The following VPS41 variants were observed in gnomAD, a reference collection of about 807,000 sequenced individuals.
VPS41 encodes the protein VPS41 subunit of HOPS complex, also known as vacuolar protein sorting-associated protein 41 homolog.
VPS41 carries 85 observed loss-of-function variants against 130.9 expected under a neutral mutation model. That is an observed-to-expected ratio of 0.65 (90% confidence interval 0.55 to 0.78). The LOEUF (loss-of-function observed/expected upper bound fraction) is 0.78, where lower values mean the gene tolerates loss of function less well. Ranked by LOEUF, VPS41 falls within the 30% of genes least tolerant of loss-of-function variation. The probability of loss-of-function intolerance (pLI) is 0.00; values close to 1 mark genes in which losing one functional copy is unlikely to be tolerated. For synonymous variants in VPS41, 335 were observed against 332.9 expected, an observed-to-expected ratio of 1.01 and a Z score of -0.07; for missense variants, 874 against 1,018.7, an observed-to-expected ratio of 0.86 and a Z score of 1.93.
intron 4 of VPS41, among the ~76,000 whole-genome samples, chr7:38,836,487 A>G (rs1057130750): frequency 6.6e-6 from 1 of 152,148 alleles, no homozygotes; most frequent in South Asian, 2.1e-4. Context: ...TGAATCCAGG[A>G]GCAGAAACTA....
intron 25 of VPS41, among the ~76,000 whole-genome samples, chr7:38,734,648 A>G (rs890251387): frequency 6.6e-6 from 1 of 152,242 alleles, no homozygotes. Flanking sequence ...AAAGAACTGT[A>G]TATCAGCAAA....
At chr7:38,813,836 T>A (rs1287745463) in intron 7 of VPS41, among the ~76,000 whole-genome samples, 3 of 152,168 alleles carry the variant, frequency 2.0e-5, no homozygotes, top group Non-Finnish European at 4.4e-5. Context: ...TTTTTCTGTA[T>A]GCTTGGAACG....
At chr7:38,891,875 T>C (rs1170342563) in intron 2 of VPS41, among the ~76,000 whole-genome samples, 2 of 152,156 alleles carry the variant, frequency 1.3e-5, no homozygotes, top group African/African-American at 4.8e-5. Flanking sequence ...AATGCTCTTA[T>C]AGCTAAATTT....
At chr7:38,753,991 C>T (rs571319044) in intron 21 of VPS41, among the ~76,000 whole-genome samples, 1 of 152,182 alleles carries the variant, frequency 6.6e-6, no homozygotes, top group Non-Finnish European at 1.5e-5. Context: ...TGATATAATC[C>T]CTAAGTGTGC....
chr7:38,821,043 CT>C (rs1785161425), intron 6 of VPS41, among the ~76,000 whole-genome samples, 159 bp downstream of exon 6: 1 of 152,096 alleles, frequency 6.6e-6, no homozygotes, highest in South Asian at 2.1e-4. Context: ...CACATTCTGT[CT>C]TCTTTCACAG....
intron 2 of VPS41, among the ~76,000 whole-genome samples, chr7:38,894,045 C>T (rs780238204): frequency 1.3e-5 from 2 of 152,112 alleles, no homozygotes; most frequent in Non-Finnish European, 2.9e-5. Context: ...GTTGAAAACA[C>T]TACACATTAT....
intron 25 of VPS41, among the ~76,000 whole-genome samples, chr7:38,732,684 A>C (rs1795690103): frequency 6.6e-6 from 1 of 152,236 alleles, no homozygotes; most frequent in Non-Finnish European, 1.5e-5. Context: ...AAAAAAAGAT[A>C]GGGCTATAAT....
intron 10 of VPS41, among the ~76,000 whole-genome samples, chr7:38,780,140 A>C (rs1299130772): frequency 6.6e-6 from 1 of 151,890 alleles, no homozygotes; most frequent in Non-Finnish European, 1.5e-5. Flanking sequence ...GAAATACATG[A>C]AAACAGGGAG....
chr7:38,743,898 G>C (rs905068965), intron 23 of VPS41, among the ~76,000 whole-genome samples: 7 of 152,284 alleles, frequency 4.6e-5, no homozygotes, highest in African/African-American at 1.7e-4. Flanking sequence ...CTGTGAATTT[G>C]AAGCCAGGTC....
chr7:38,873,514 G>C (rs1429480411), intron 2 of VPS41, among the ~76,000 whole-genome samples: 2 of 152,028 alleles, frequency 1.3e-5, no homozygotes, highest in African/African-American at 4.8e-5. Context: ...TTAATAAAAA[G>C]CAAATCAATA....
chr7:38,853,147 C>T (rs1479541010), intron 4 of VPS41, among the ~76,000 whole-genome samples: 1 of 152,124 alleles, frequency 6.6e-6, no homozygotes, highest in African/African-American at 2.4e-5. Flanking sequence ...TGGCCGGGTG[C>T]GGTGGCTCAC....
chr7:38,795,973 G>A (rs1784610901), intron 8 of VPS41, among the ~76,000 whole-genome samples: 1 of 152,190 alleles, frequency 6.6e-6, no homozygotes, highest in South Asian at 2.1e-4. Context: ...GAAAGGCTTT[G>A]AGTCTGAAAA....
At chr7:38,897,314 A>C (rs1787025146) in intron 2 of VPS41, among the ~76,000 whole-genome samples, 1 of 151,980 alleles carries the variant, frequency 6.6e-6, no homozygotes, top group African/African-American at 2.4e-5. Context: ...TCTTTATCAC[A>C]ATAACCTAAC....
chr7:38,736,166 G>T (rs1477771195), intron 25 of VPS41, among the ~76,000 whole-genome samples: 1 of 152,164 alleles, frequency 6.6e-6, no homozygotes, highest in South Asian at 2.1e-4. Context: ...AAGAACTTTA[G>T]AAACAAAAGA....
At chr7:38,895,989 C>A (rs528887929) in intron 2 of VPS41, among the ~76,000 whole-genome samples, 1 of 152,178 alleles carries the variant, frequency 6.6e-6, no homozygotes, top group Non-Finnish European at 1.5e-5. Context: ...CCAGCGTCAA[C>A]TCCAGAGCCG....
chr7:38,759,000 T>A (rs1783862263), intron 17 of VPS41, among the ~76,000 whole-genome samples: 2 of 152,352 alleles, frequency 1.3e-5, no homozygotes, highest in South Asian at 4.1e-4. Flanking sequence ...TTCATCTGTA[T>A]CCTTTGCAAT....
chr7:38,765,058 C>T (rs556219035), intron 16 of VPS41, among the ~76,000 whole-genome samples: 2 of 152,160 alleles, frequency 1.3e-5, no homozygotes, highest in South Asian at 4.1e-4. Flanking sequence ...TCCACAAATA[C>T]TGAAAAATTT....
At chr7:38,825,897 G>A (rs772779675) in intron 5 of VPS41, among the ~76,000 whole-genome samples, 1 of 152,216 alleles carries the variant, frequency 6.6e-6, no homozygotes, top group African/African-American at 2.4e-5. Context: ...CAGCCCTGAT[G>A]CAGAGAAATG....
At chr7:38,856,784 G>C (rs1053062719) in intron 4 of VPS41, among the ~76,000 whole-genome samples, 8 of 152,138 alleles carry the variant, frequency 5.3e-5, no homozygotes, top group African/African-American at 1.9e-4. Context: ...CAATCCAGGG[G>C]AAGTACCTTG....
Sources: allele counts gnomAD v4.1 joint callset (sites outside exome capture counted in the v4.1 genomes callset), GRCh38; gene constraint gnomAD v4.1.1; transcripts MANE v1.5; gene names NCBI Gene and HGNC (gene_info 2026-07-23, HGNC 2026-07-21).